The following NPFFR2 variants were observed in gnomAD, a reference collection of about 807,000 sequenced individuals.
NPFFR2 encodes the protein neuropeptide FF receptor 2.
NPFFR2 carries 15 observed loss-of-function variants against 13.1 expected under a neutral mutation model. The observed-to-expected ratio is 1.15, with a 90% CI of 0.77 to 1.76. NPFFR2 has a LOEUF of 1.76. Among genes scored for constraint, NPFFR2 ranks in the 40% most tolerant of loss-of-function variants. NPFFR2 has a pLI of 0.00. For missense variants in NPFFR2, 572 were observed against 503.5 expected, an observed-to-expected ratio of 1.14 and a Z score of -1.30; for synonymous variants, 190 against 175.7, an observed-to-expected ratio of 1.08 and a Z score of -0.65.
At chr4:72,038,644 G>A (rs1719108128) in intron 1 of NPFFR2, among the ~76,000 whole-genome samples, 1 of 151,878 alleles carries the variant, frequency 6.6e-6, no homozygotes, top group Admixed American at 6.6e-5. Context: ...TATACATTCA[G>A]GTTGCATAGT....
intron 1 of NPFFR2, among the ~76,000 whole-genome samples, chr4:72,064,142 T>G (rs1560399431): frequency 6.6e-6 from 1 of 152,204 alleles, no homozygotes; most frequent in African/African-American, 2.4e-5. Context: ...GTATATTAGT[T>G]ATTTATTTCT....
chr4:72,034,506 C>T (rs1215354031), intron 1 of NPFFR2, among the ~76,000 whole-genome samples: 1 of 152,178 alleles, frequency 6.6e-6, no homozygotes, highest in East Asian at 1.9e-4. Flanking sequence ...TTACCTCCCA[C>T]CAAGTCCCTC....
intron 1 of NPFFR2, among the ~76,000 whole-genome samples, chr4:72,033,901 CTG>C (rs149608407): frequency 6.7e-5 from 10 of 150,232 alleles, no homozygotes; most frequent in South Asian, 2.1e-4. Flanking sequence ...TTCTTCGGCT[CTG>C]TGTGTGTGTG....
chr4:72,060,742 G>A (rs1282789953), intron 1 of NPFFR2, among the ~76,000 whole-genome samples: 1 of 151,998 alleles, frequency 6.6e-6, no homozygotes. Flanking sequence ...TTCCGATGAG[G>A]TCAGAAGCCA....
intron 1 of NPFFR2, among the ~76,000 whole-genome samples, chr4:72,121,517 C>A (rs189510495): frequency 9.5e-4 from 144 of 152,194 alleles, no homozygotes; most frequent in African/African-American, 3.4e-3. Flanking sequence ...TTGCATTACC[C>A]ACAAAGGGAA....
chr4:72,071,557 G>A (rs1297285811), intron 1 of NPFFR2, among the ~76,000 whole-genome samples: 10 of 152,070 alleles, frequency 6.6e-5, no homozygotes, highest in Admixed American at 1.3e-4. Context: ...TTGAAGACTT[G>A]GATGATAACT....
rs138207062 is a variant in NPFFR2, at chr4:72,132,435, C to T, written c.328+3516C>T. On this transcript the variant is annotated intron_variant, in intron 2 of 3. Transcript: ENST00000308744. Reference sequence around the variant, plus strand: ...TAGATTGATTCCATGTCTTTGCTATCGTGAATAGTGCTGCAGTGAACATAC... The same window carrying T: ...TAGATTGATTCCATGTCTTTGCTATTGTGAATAGTGCTGCAGTGAACATAC... 4.6e-3 allele frequency among the ~76,000 whole-genome samples: 694 copies of T among 152,142 alleles called. 4 individuals carry two copies. Among genetic ancestry groups the T allele is most frequent in the African/African-American group, 0.016 (668 of 41,492 alleles).
chr4:72,100,906 C>T (rs1721227151), intron 1 of NPFFR2, among the ~76,000 whole-genome samples: 1 of 151,912 alleles, frequency 6.6e-6, no homozygotes. Flanking sequence ...CTTTTTAAAT[C>T]ATCTTGGTAG....
At chr4:72,124,410 T>C (rs1003880561) in intron 1 of NPFFR2, among the ~76,000 whole-genome samples, 2 of 152,154 alleles carry the variant, frequency 1.3e-5, no homozygotes, top group Non-Finnish European at 2.9e-5. Context: ...AAATTTCATA[T>C]GGAACCAAAA....
At chr4:72,114,240 C>G (rs887841170) in intron 1 of NPFFR2, among the ~76,000 whole-genome samples, 5 of 152,032 alleles carry the variant, frequency 3.3e-5, no homozygotes, top group Non-Finnish European at 7.4e-5. Context: ...GCACACAGAT[C>G]AAGAAATATC....
chr4:72,038,773 C>A (rs1281814203), intron 1 of NPFFR2, among the ~76,000 whole-genome samples: 2 of 151,802 alleles, frequency 1.3e-5, no homozygotes, highest in African/African-American at 4.8e-5. Context: ...ACTGTTTTCA[C>A]TGGCATGATT....
chr4:72,069,904 G>C (rs954515034), intron 1 of NPFFR2, among the ~76,000 whole-genome samples: 3 of 152,010 alleles, frequency 2.0e-5, no homozygotes, highest in Non-Finnish European at 4.4e-5. Flanking sequence ...GTTAATAATA[G>C]CCGACATTTA....
intron 1 of NPFFR2, 37 bp downstream of exon 1, chr4:72,032,237 T>G: frequency 6.4e-7 from 1 of 1,553,192 alleles, no homozygotes; most frequent in Non-Finnish European, 8.7e-7. Flanking sequence ...GGGCCCCCGC[T>G]TGGGGGCGCG....
chr4:72,138,050 T>A lies in NPFFR2; in HGVS notation c.339T>A (p.Phe113Leu). ...TCATTTTCCTTTCAGGATGGCCATT[T>A]GGAAACACGATGTGCAAGATCAGTG... Reference protein sequence around the residue: ...LLDNIIAGWPFGNTMCKISGL... With the variant: ...LLDNIIAGWPLGNTMCKISGL... Residue 113 changes from phenylalanine to leucine, a missense_variant, in exon 3 of 4, where the codon TTT (phenylalanine) becomes TTA (leucine). Transcript: ENST00000308744. The A allele has an allele frequency of 6.2e-7, 1 of 1,612,690 alleles. No homozygotes were observed. Among genetic ancestry groups the A allele is most frequent in the East Asian group, 2.2e-5 (1 of 44,858 alleles).
chr4:72,050,560 T>C (rs1719516643), intron 1 of NPFFR2, among the ~76,000 whole-genome samples: 1 of 151,938 alleles, frequency 6.6e-6, no homozygotes, highest in African/African-American at 2.4e-5. Context: ...ACATGGCAAA[T>C]AGCAGGCCCT....
chr4:72,125,084 GA>G (rs1276646335), intron 1 of NPFFR2, among the ~76,000 whole-genome samples: 3 of 152,162 alleles, frequency 2.0e-5, no homozygotes, highest in African/African-American at 7.2e-5. Flanking sequence ...AAATTTACCA[GA>G]AAAAACAACC....
At position 72,056,019 on chromosome 4, in the gene NPFFR2, A is replaced by T. The variant is rs1178419425; in HGVS notation, c.-8+23819A>T. 2.6e-5 allele frequency among the ~76,000 whole-genome samples: 4 copies of T among 152,054 alleles called. No homozygotes were observed. In the East Asian group the frequency reaches 7.7e-4, roughly 29 times the overall value. On this transcript the variant is annotated intron_variant, in intron 1 of 3. Coordinates refer to ENST00000308744, the MANE Select transcript of NPFFR2 (RefSeq NM_004885.3). ...GTCAAAGGTGAAGCAACAAGTGCTG[A>T]CACAGAAACTGCCTCAGGTTATCCA...
intron 1 of NPFFR2, among the ~76,000 whole-genome samples, chr4:72,052,431 G>A (rs1719613617): frequency 6.7e-6 from 1 of 149,856 alleles, no homozygotes. Flanking sequence ...AAAGGCCTTT[G>A]ACAAAATTCA....
chr4:72,115,404 G>T (rs1721684884), intron 1 of NPFFR2, among the ~76,000 whole-genome samples: 1 of 152,108 alleles, frequency 6.6e-6, no homozygotes, highest in Non-Finnish European at 1.5e-5. Context: ...TTTTGCCAGT[G>T]GGATGGATGT....
Sources: gnomAD v4.1 joint callset for allele counts (sites outside exome capture counted in the v4.1 genomes callset) on GRCh38, gnomAD v4.1.1 for gene constraint, MANE v1.5 for transcripts, NCBI Gene and HGNC (gene_info 2026-07-23, HGNC 2026-07-21) for gene names.